PSMA1: variants seen among roughly 807,000 people sequenced by gnomAD.
PSMA1 encodes proteasome 20S subunit alpha 1, also known as proteasome subunit alpha type-1.
PSMA1 carries 3 observed loss-of-function variants against 38.4 expected under a neutral mutation model. That is an observed-to-expected ratio of 0.08 (90% CI 0.04 to 0.20). PSMA1 has a LOEUF of 0.20. Among genes scored for constraint, PSMA1 ranks in the 10% least tolerant of loss-of-function variants. The pLI is 1.00. For missense variants in PSMA1, 227 were observed against 325.3 expected (o/e 0.70, Z 2.32); for synonymous variants, 101 against 107.1 (o/e 0.94, Z 0.35).
chr11:14,620,737 G>T (rs1484656671), intron 1 of PSMA1, among the ~76,000 whole-genome samples: 1 of 152,190 alleles, frequency 6.6e-6, no homozygotes. Flanking sequence ...GTAGATGAAA[G>T]AATTCATGTT....
rs771527228 is a variant in PSMA1, at chr11:14,598,505, CTTCT to C, written c.21+12457_21+12460del. Among the ~76,000 whole-genome samples the C allele has an allele frequency of 9.2e-5, 14 of 151,838 alleles. No individual in the cohort carries two copies. The East Asian group carries it at 1.5e-3, about 17-fold the overall frequency. On this transcript the variant is annotated intron_variant, in intron 2 of 10. Transcript: ENST00000418988. ...AATCCCTTTACCATTATTTAATGGC[CTTCT>C]TTGTCTCTTTTGATCTTTGATGGTT...
In PSMA1 at chr11:14,638,576, TATATATATA is replaced by T. The variant is rs1311570944; in HGVS notation, c.-166+4870_-166+4878del. Among the ~76,000 whole-genome samples, 46 of 24,474 alleles carry T rather than the reference TATATATATA, an allele frequency of 1.9e-3. 1 individual carries two copies. Among genetic ancestry groups the T allele is most frequent in the African/African-American group, 3.2e-3 (18 of 5,544 alleles). 16.1% of individuals were successfully genotyped at this position (24,474 alleles called of 152,430 possible). On this transcript the variant is annotated intron_variant, in intron 1 of 10. Coordinates refer to the PSMA1 transcript ENST00000418988. ...ATATATATATATATATATATATATA[TATATATATA>T]TTTTTTTTTTTTTTTTTTTTTTTTT...
intron 2 of PSMA1, among the ~76,000 whole-genome samples, chr11:14,580,972 G>C (rs1351399424): frequency 6.6e-6 from 1 of 152,202 alleles, no homozygotes; most frequent in Non-Finnish European, 1.5e-5. Flanking sequence ...AGGAATGACA[G>C]ATGAACTACA....
At chr11:14,536,688 C>G (rs755524181) in intron 2 of PSMA1, among the ~76,000 whole-genome samples, 1 of 151,974 alleles carries the variant, frequency 6.6e-6, no homozygotes, top group Non-Finnish European at 1.5e-5. Context: ...CTCGGCTTAT[C>G]GCAAGCTCCG....
intron 2 of PSMA1, among the ~76,000 whole-genome samples, chr11:14,556,366 G>A (rs1355066376): frequency 1.3e-5 from 2 of 152,110 alleles, no homozygotes; most frequent in Non-Finnish European, 2.9e-5. Flanking sequence ...CCATGTTGCT[G>A]TTGATATGTT....
chr11:14,637,342 G>A (rs1411773995), intron 1 of PSMA1, among the ~76,000 whole-genome samples: 1 of 152,146 alleles, frequency 6.6e-6, no homozygotes, highest in Non-Finnish European at 1.5e-5. Context: ...CTTCATCTGT[G>A]AACTACTCCA....
rs1043094601 is a variant in PSMA1, at chr11:14,504,876, T to G, written c.*316A>C. On this transcript the variant is annotated 3_prime_UTR_variant, in exon 10 of 10. Coordinates refer to ENST00000396394, the MANE Select transcript of PSMA1 (RefSeq NM_002786.4). Reference sequence around the variant, plus strand: ...TACTTAAAAAAACAAAAACCCAATATACCAGGCGGTGAAACAATTTTATTT... The same window carrying G: ...TACTTAAAAAAACAAAAACCCAATAGACCAGGCGGTGAAACAATTTTATTT... The G allele has an allele frequency of 1.1e-5, 3 of 264,166 alleles. No individual in the cohort carries two copies. The highest frequency in any genetic ancestry group is 6.6e-5 in the African/African-American group (3 of 45,374). 16.4% of individuals were successfully genotyped at this position (264,166 alleles called of 1,614,324 possible). A position where few individuals can be genotyped will look rare whatever the true frequency, so the allele number is the denominator to read the frequency against.
chr11:14,574,456 T>C (rs983935956), intron 2 of PSMA1, among the ~76,000 whole-genome samples: 3 of 152,138 alleles, frequency 2.0e-5, no homozygotes, highest in Non-Finnish European at 1.5e-5. Context: ...AGTGCAAGAG[T>C]TGAGGCTTGG....
intron 8 of PSMA1, among the ~76,000 whole-genome samples, chr11:14,508,018 A>G (rs1808864304): frequency 6.6e-6 from 1 of 152,174 alleles, no homozygotes; most frequent in South Asian, 2.1e-4. Flanking sequence ...ACATTTTTTT[A>G]AAAAGATAAT....
chr11:14,521,362 T>C (rs1308747647), upstream of PSMA1, among the ~76,000 whole-genome samples: 2 of 150,130 alleles, frequency 1.3e-5, no homozygotes, highest in Admixed American at 6.6e-5. Flanking sequence ...CATGTTGGCA[T>C]GGGCCTGTGG....
At chr11:14,627,402 C>T (rs1222653683) in intron 1 of PSMA1, among the ~76,000 whole-genome samples, 1 of 152,132 alleles carries the variant, frequency 6.6e-6, no homozygotes, top group African/African-American at 2.4e-5. Flanking sequence ...GAATCAGAAT[C>T]TCTGGGGTTA....
At chr11:14,505,490 A>G (rs1589975332) in intron 9 of PSMA1, among the ~76,000 whole-genome samples, 2 of 152,176 alleles carry the variant, frequency 1.3e-5, no homozygotes, top group Admixed American at 1.3e-4. Context: ...CTCGAACAAC[A>G]AAGGTTTAAA....
chr11:14,631,374 C>A (rs1185997392), intron 1 of PSMA1, among the ~76,000 whole-genome samples: 1 of 151,934 alleles, frequency 6.6e-6, no homozygotes, highest in African/African-American at 2.4e-5. Context: ...TGTCTTTGTT[C>A]TCGTTGGTTT....
intron 2 of PSMA1, among the ~76,000 whole-genome samples, chr11:14,569,412 A>C (rs1278568404): frequency 6.6e-6 from 1 of 152,134 alleles, no homozygotes; most frequent in Non-Finnish European, 1.5e-5. Flanking sequence ...AGGGTGGGGC[A>C]TTACCTCACC....
chr11:14,567,493 G>A (rs1459536910), intron 2 of PSMA1, among the ~76,000 whole-genome samples: 3 of 152,188 alleles, frequency 2.0e-5, no homozygotes, highest in Non-Finnish European at 4.4e-5. Context: ...TCTGTAGTGT[G>A]AGGGAGGTAT....
intron 4 of PSMA1, 146 bp downstream of exon 4, chr11:14,517,493 TAAC>T (rs1851449553): frequency 1.5e-6 from 1 of 667,062 alleles, no homozygotes; most frequent in African/African-American, 1.9e-5. Context: ...GAAAATTTAA[TAAC>T]AAACTCAAAA....
intron 2 of PSMA1, among the ~76,000 whole-genome samples, chr11:14,550,374 T>C (rs1307804271): frequency 6.6e-6 from 1 of 152,208 alleles, no homozygotes; most frequent in African/African-American, 2.4e-5. Context: ...CAGTTTATCA[T>C]ATACTGCCTT....
intron 2 of PSMA1, among the ~76,000 whole-genome samples, chr11:14,604,081 G>C (rs1208054657): frequency 6.6e-6 from 1 of 152,176 alleles, no homozygotes; most frequent in Non-Finnish European, 1.5e-5. Flanking sequence ...GTCCTTTCCA[G>C]TAAGCTGAGA....
At chr11:14,581,359 C>T (rs557788695) in intron 2 of PSMA1, among the ~76,000 whole-genome samples, 1 of 152,276 alleles carries the variant, frequency 6.6e-6, no homozygotes, top group African/African-American at 2.4e-5. Context: ...GTTAGGAATC[C>T]AAGGTCTAAA....
Sources: allele counts gnomAD v4.1 joint callset (sites outside exome capture counted in the v4.1 genomes callset), GRCh38; gene constraint gnomAD v4.1.1; transcripts MANE v1.5; gene names NCBI Gene and HGNC (gene_info 2026-07-23, HGNC 2026-07-21).